Variants in ORC4 observed in about 807,000 individuals in gnomAD.
The protein encoded by ORC4 is origin recognition complex, subunit 4 homolog.
A neutral mutation model predicts 63.9 loss-of-function variants in ORC4; 55 were observed. The ratio of observed to expected loss-of-function variants is 0.86; its 90% CI spans 0.69 to 1.08. The LOEUF (loss-of-function observed/expected upper bound fraction) is 1.08, where lower values mean the gene tolerates loss of function less well. ORC4 is among the 50% of genes least tolerant of loss of function. The probability of loss-of-function intolerance (pLI) is 0.00; values close to 1 mark genes in which losing one functional copy is unlikely to be tolerated. For synonymous variants in ORC4, 150 were observed against 168.5 expected (o/e 0.89, Z 0.85); for missense variants, 511 against 504.4 (o/e 1.01, Z -0.13).
chr2:148,011,895 A>G (rs977789943), intron 1 of ORC4, among the ~76,000 whole-genome samples: 1 of 152,152 alleles, frequency 6.6e-6, no homozygotes, highest in Admixed American at 6.6e-5. Context: ...TCTAGAAATA[A>G]ACTTAACCAA....
intron 7 of ORC4, among the ~76,000 whole-genome samples, chr2:147,953,283 C>A (rs932020742): frequency 3.9e-5 from 6 of 151,900 alleles, no homozygotes; most frequent in Non-Finnish European, 7.4e-5. Context: ...CTAGCCTGGG[C>A]AACAAGAGTG....
chr2:147,997,720 C>T (rs1418646414), intron 1 of ORC4, among the ~76,000 whole-genome samples: 5 of 151,974 alleles, frequency 3.3e-5, no homozygotes, highest in Admixed American at 3.3e-4. Context: ...TTTCTGGGTG[C>T]AAAGGTTATA....
chr2:147,992,945 A>T (rs1165214622), intron 1 of ORC4, among the ~76,000 whole-genome samples: 1 of 152,192 alleles, frequency 6.6e-6, no homozygotes, highest in Non-Finnish European at 1.5e-5. Context: ...CTAACTATAA[A>T]GACATATCTG....
chr2:147,995,732 A>C (rs1448492861), intron 1 of ORC4, among the ~76,000 whole-genome samples: 1 of 152,040 alleles, frequency 6.6e-6, no homozygotes, highest in African/African-American at 2.4e-5. Context: ...CCACGAACCC[A>C]ATGGAAGGAA....
chr2:148,008,748 G>A (rs1573896601), intron 1 of ORC4, among the ~76,000 whole-genome samples: 3 of 152,184 alleles, frequency 2.0e-5, no homozygotes, highest in East Asian at 3.9e-4. Flanking sequence ...ATAGGGGAAC[G>A]ACAGAGCAGC....
At position 147,948,134 on chromosome 2, in the gene ORC4, C is replaced by T. The variant is rs778750425; in HGVS notation, c.679G>A (p.Val227Ile). The change falls in exon 9 of 14, where the codon GTT (valine) becomes ATT (isoleucine). Residue 227 changes from valine (V) to isoleucine (I), a missense_variant. Transcript: ENST00000392857. ...LMNSFGFPQY[V>I]KIFKEQLSLP... The stretch of plus-strand genomic sequence containing the variant: ...GATAACTGTTCTTTAAATATTTTAA[C>T]ATACTGTGGAAAACCAAATGAATTC... The T allele has an allele frequency of 6.2e-7, 1 of 1,610,612 alleles. No individual in the cohort carries two copies. The highest frequency in any genetic ancestry group is 8.5e-7 in the Non-Finnish European group (1 of 1,177,238).
intron 6 of ORC4, among the ~76,000 whole-genome samples, chr2:147,956,045 C>G (rs1558840435): frequency 1.3e-5 from 2 of 151,910 alleles, no homozygotes; most frequent in African/African-American, 2.4e-5. Context: ...GATGCATTAT[C>G]CAGGTGCTCC....
At chr2:147,940,157 G>A (rs1286807366) in intron 10 of ORC4, among the ~76,000 whole-genome samples, 1 of 151,784 alleles carries the variant, frequency 6.6e-6, no homozygotes, top group African/African-American at 2.4e-5. Flanking sequence ...TTTTCCTTTA[G>A]TTATTAATTT....
At chr2:147,959,018 C>G in intron 4 of ORC4, 152 bp from the exon 5 acceptor site, 1 of 544,434 alleles carries the variant, frequency 1.8e-6, no homozygotes. Context: ...AAAGGTTTAA[C>G]TAGAACATCT....
At chr2:148,002,543 A>T (rs1174834289) in intron 1 of ORC4, among the ~76,000 whole-genome samples, 1 of 152,178 alleles carries the variant, frequency 6.6e-6, no homozygotes, top group African/African-American at 2.4e-5. Flanking sequence ...AGGCAGAAAT[A>T]AATACATTCT....
At chr2:147,970,252 C>T (rs1573813072) in intron 4 of ORC4, among the ~76,000 whole-genome samples, 1 of 152,142 alleles carries the variant, frequency 6.6e-6, no homozygotes, top group Non-Finnish European at 1.5e-5. Context: ...GTTAAGATGT[C>T]CATTCTTCCT....
intron 4 of ORC4, among the ~76,000 whole-genome samples, chr2:147,967,776 C>A (rs17219036): frequency 6.6e-6 from 1 of 152,052 alleles, no homozygotes; most frequent in Admixed American, 6.5e-5. Flanking sequence ...TAATGATATT[C>A]TTCACAGAGA....
At chr2:148,011,111 G>A (rs1383612962) in intron 1 of ORC4, among the ~76,000 whole-genome samples, 1 of 152,064 alleles carries the variant, frequency 6.6e-6, no homozygotes, top group African/African-American at 2.4e-5. Context: ...TTACTGGCGT[G>A]AGCTACCATG....
intron 1 of ORC4, among the ~76,000 whole-genome samples, chr2:147,985,998 G>A (rs914160046): frequency 6.6e-6 from 1 of 152,058 alleles, no homozygotes; most frequent in African/African-American, 2.4e-5. Flanking sequence ...CATAGCAGAG[G>A]AATACATTCT....
Position 147,952,448 on chromosome 2 carries a change from T to C in ORC4, c.513A>G (p.Thr171=), listed in dbSNP as rs374253064. The stretch of plus-strand genomic sequence containing the variant: ...AAATGTCAAAAAGATTATAGAGAAG[T>C]GTTTGGTTTTTATGATGAGCAAAAA... ...FDLFAHHKNQ[T]LLYNLFDISQ... Residue 171 remains threonine, a synonymous_variant, in exon 8 of 14, where the codon ACA becomes ACG. Transcript: ENST00000392857. 46 of 1,610,096 alleles carry C rather than the reference T, an allele frequency of 2.9e-5. No individual in the cohort carries two copies. The highest frequency in any genetic ancestry group is 3.7e-5 in the Non-Finnish European group (44 of 1,176,516).
chr2:147,959,260 C>G lies in ORC4; in HGVS notation c.226-394G>C, dbSNP rs149142110. Among the ~76,000 whole-genome samples, 257 of 152,042 alleles carry G rather than the reference C, an allele frequency of 1.7e-3. 2 individuals carry two copies. Among genetic ancestry groups the G allele is most frequent in the African/African-American group, 5.9e-3 (245 of 41,554 alleles). On this transcript the variant is annotated intron_variant, in intron 4 of 13. Transcript: ENST00000392857. The stretch of plus-strand genomic sequence containing the variant: ...AATATCATTGTAATCAGTTAAAAGC[C>G]CATTGAATTAAAGGTTTCTATGAAG...
At chr2:147,982,468 A>AT (rs1016851178) in intron 1 of ORC4, among the ~76,000 whole-genome samples, 4 of 152,218 alleles carry the variant, frequency 2.6e-5, no homozygotes, top group East Asian at 3.8e-4. Flanking sequence ...ATTAAAAGAT[A>AT]TTTTTTACCC....
chr2:148,000,701 A>G (rs1355189033), intron 1 of ORC4, among the ~76,000 whole-genome samples: 4 of 152,112 alleles, frequency 2.6e-5, no homozygotes, highest in Non-Finnish European at 5.9e-5. Flanking sequence ...TCTGGGAGAA[A>G]TTTCTTGATG....
Position 147,938,141 on chromosome 2 carries a change from C to G in ORC4, c.1122+5G>C. ...GTAGAAAAATGACAGCAAACTAAAT[C>G]TTACCTTCATGACAACAGGTTTTTC... On this transcript the variant is annotated splice_donor_5th_base_variant and intron_variant, in intron 13 of 13. Coordinates refer to ENST00000392857, the MANE Select transcript of ORC4 (RefSeq NM_181741.4). 1 of 1,596,848 alleles carries G rather than the reference C, an allele frequency of 6.3e-7. No homozygotes were observed. The highest frequency in any genetic ancestry group is 1.1e-5 in the South Asian group (1 of 90,682).
Sources: gnomAD v4.1 joint callset for allele counts (sites outside exome capture counted in the v4.1 genomes callset) on GRCh38, gnomAD v4.1.1 for gene constraint, MANE v1.5 for transcripts, NCBI Gene and HGNC (gene_info 2026-07-23, HGNC 2026-07-21) for gene names.